Variants in NCALD observed in about 807,000 individuals in gnomAD.
NCALD encodes the protein neurocalcin-delta.
Under a neutral mutation model 18.6 loss-of-function variants are expected in NCALD, and 10 were observed. That is an observed-to-expected ratio of 0.54 (90% CI 0.33 to 0.91). NCALD has a LOEUF of 0.91. Ranked by LOEUF, NCALD falls within the 40% of genes least tolerant of loss-of-function variation. The pLI is 0.03. For synonymous variants in NCALD, 88 were observed against 87.4 expected, an observed-to-expected ratio of 1.01 and a Z score of -0.04; for missense variants, 184 against 247.6, an observed-to-expected ratio of 0.74 and a Z score of 1.72.
intron 2 of NCALD, among the ~76,000 whole-genome samples, chr8:101,964,241 G>A (rs1368979811): frequency 6.6e-6 from 1 of 152,086 alleles, no homozygotes; most frequent in African/African-American, 2.4e-5. Flanking sequence ...TTTGACATCA[G>A]CTTATATTAA....
chr8:101,823,785 AGGCTGACAACCACCCAGTGGC>A (rs1813819575), intron 4 of NCALD, among the ~76,000 whole-genome samples: 1 of 152,204 alleles, frequency 6.6e-6, no homozygotes, highest in Non-Finnish European at 1.5e-5. Context: ...AGTATGGTGG[AGGCTGACAACCACCCAGTGGC>A]AGCACCATTG....
intron 1 of NCALD, among the ~76,000 whole-genome samples, chr8:102,032,622 T>TAAAAAAAAA (rs59283854): frequency 9.5e-6 from 1 of 104,990 alleles, no homozygotes; most frequent in African/African-American, 3.6e-5. Flanking sequence ...GAAAAACTGC[T>TAAAAAAAAA]AAAAAAAAAA....
intron 3 of NCALD, among the ~76,000 whole-genome samples, chr8:101,888,897 A>C (rs544821): frequency 0.4 from 60,308 of 152,050 alleles, 15,378 homozygotes; most frequent in African/African-American, 0.72. Flanking sequence ...GACAGTGGGG[A>C]AGACATTGCC....
At chr8:101,797,589 A>G (rs1315640663) in intron 4 of NCALD, among the ~76,000 whole-genome samples, 2 of 152,180 alleles carry the variant, frequency 1.3e-5, no homozygotes, top group Non-Finnish European at 2.9e-5. Flanking sequence ...TGGCCAAAGC[A>G]GGCAGATCAC....
intron 2 of NCALD, among the ~76,000 whole-genome samples, chr8:101,995,769 G>A (rs1335741946): frequency 6.6e-6 from 1 of 152,170 alleles, no homozygotes; most frequent in Non-Finnish European, 1.5e-5. Flanking sequence ...TATCACATAT[G>A]TTCTAAATAA....
At chr8:101,853,199 T>A (rs1232543756) in intron 4 of NCALD, among the ~76,000 whole-genome samples, 1 of 152,186 alleles carries the variant, frequency 6.6e-6, no homozygotes, top group African/African-American at 2.4e-5. Context: ...GTACTTTCAA[T>A]GCTATCAGGC....
intron 1 of NCALD, among the ~76,000 whole-genome samples, chr8:102,064,793 G>T (rs145298020): frequency 6.6e-6 from 1 of 152,194 alleles, no homozygotes; most frequent in African/African-American, 2.4e-5. Flanking sequence ...CCATGTTTGA[G>T]CCAGTGTGCA....
At chr8:101,936,841 C>T (rs1818782151) in intron 2 of NCALD, among the ~76,000 whole-genome samples, 1 of 152,084 alleles carries the variant, frequency 6.6e-6, no homozygotes, top group South Asian at 2.1e-4. Flanking sequence ...CAGTTAAAAC[C>T]CAACTCTCTT....
intron 2 of NCALD, among the ~76,000 whole-genome samples, chr8:102,019,075 A>G (rs1274254698): frequency 6.6e-6 from 1 of 152,114 alleles, no homozygotes; most frequent in Admixed American, 6.5e-5. Context: ...TTTAATTTTT[A>G]AAACAACCCA....
At chr8:102,118,384 C>T (rs1825851417) in intron 1 of NCALD, among the ~76,000 whole-genome samples, 2 of 152,350 alleles carry the variant, frequency 1.3e-5, no homozygotes, top group Admixed American at 1.3e-4. Flanking sequence ...ATCTTACCCG[C>T]ACCTTTGTAA....
chr8:101,717,552 C>T (rs748005959), intron 2 of NCALD, among the ~76,000 whole-genome samples: 11 of 152,158 alleles, frequency 7.2e-5, no homozygotes, highest in Admixed American at 1.3e-4. Context: ...AATTTGTTGA[C>T]GGTTCTCCTG....
chr8:101,732,590 CTTTTTTTTTTTTT>C (rs576286368), intron 1 of NCALD, among the ~76,000 whole-genome samples: 5 of 53,676 alleles, frequency 9.3e-5, no homozygotes, highest in South Asian at 1.9e-3. Context: ...TTTTTCTTTG[CTTTTTTTTTTTTT>C]TTTTTTTTTT....
At position 102,104,784 on chromosome 8, in the gene NCALD, G is replaced by A. The variant is rs568444869; in HGVS notation, c.-210+19453C>T. Among the ~76,000 whole-genome samples, 18 of 152,338 alleles carry A rather than the reference G, an allele frequency of 1.2e-4. No homozygotes were observed. In the East Asian group the frequency reaches 2.7e-3, roughly 23 times the overall value. On this transcript the variant is annotated intron_variant, in intron 1 of 6. Coordinates refer to the NCALD transcript ENST00000311028. ...TCCCAGTCCATGTGCTTCAATGCAT[G>A]TGTGGGGAGTGGAAGGAGATTTAAC...
chr8:101,881,153 A>C (rs1816480740), intron 4 of NCALD, among the ~76,000 whole-genome samples: 1 of 152,164 alleles, frequency 6.6e-6, no homozygotes, highest in South Asian at 2.1e-4. Context: ...CGAAATATCT[A>C]TTAAAATAAA....
At chr8:102,107,624 A>G (rs1825516474) in intron 1 of NCALD, among the ~76,000 whole-genome samples, 1 of 152,164 alleles carries the variant, frequency 6.6e-6, no homozygotes, top group Non-Finnish European at 1.5e-5. Context: ...CCAATTTTTG[A>G]CTTTAGAGAC....
intron 1 of NCALD, among the ~76,000 whole-genome samples, chr8:101,750,906 G>A (rs557142445): frequency 8.5e-5 from 13 of 152,268 alleles, no homozygotes; most frequent in Admixed American, 7.8e-4. Flanking sequence ...TCTGCAGAGT[G>A]GCTCTCGTTT....
chr8:101,991,699 G>C (rs1821055157), intron 2 of NCALD, among the ~76,000 whole-genome samples: 1 of 152,122 alleles, frequency 6.6e-6, no homozygotes, highest in Non-Finnish European at 1.5e-5. Flanking sequence ...TGTGCAAAAG[G>C]GGCTGGCTAG....
Position 101,689,265 on chromosome 8 carries a change from A to C in NCALD, c.*44T>G. 6.4e-7 allele frequency: 1 copy of C among 1,571,954 alleles called. No individual in the cohort carries two copies. Among genetic ancestry groups the C allele is most frequent in the Non-Finnish European group, 8.7e-7 (1 of 1,150,490 alleles). Reference sequence around the variant, plus strand: ...AAAATTGTTAAAAAGAAGAATCAAAAGGGAACACAAGCAGCTCTACAATTC... The same window carrying C: ...AAAATTGTTAAAAAGAAGAATCAAACGGGAACACAAGCAGCTCTACAATTC... On this transcript the variant is annotated 3_prime_UTR_variant, in exon 4 of 4. Coordinates refer to ENST00000220931, the MANE Select transcript of NCALD (RefSeq NM_032041.3). The surrounding 1 kb of genome is among the most constrained non-coding windows in gnomAD (Gnocchi z 4.4).
chr8:102,061,803 G>A (rs372253303), intron 1 of NCALD, among the ~76,000 whole-genome samples: 4 of 152,104 alleles, frequency 2.6e-5, no homozygotes, highest in African/African-American at 9.7e-5. Flanking sequence ...CATCTACCCT[G>A]GTGAAATTTC....
Sources: gnomAD v4.1 joint callset for allele counts (sites outside exome capture counted in the v4.1 genomes callset) on GRCh38, gnomAD v4.1.1 for gene constraint, Gnocchi (gnomAD v3.1) non-coding constraint, MANE v1.5 for transcripts, NCBI Gene and HGNC (gene_info 2026-07-23, HGNC 2026-07-21) for gene names.